Variants in ALK observed in about 807,000 individuals in gnomAD.
The protein encoded by ALK is ALK receptor tyrosine kinase.
A neutral mutation model predicts 163.1 loss-of-function variants in ALK; 74 were observed. The observed-to-expected ratio is 0.45, with a 90% CI of 0.38 to 0.55. The LOEUF (loss-of-function observed/expected upper bound fraction) is 0.55, where lower values mean the gene tolerates loss of function less well. Ranked by LOEUF, ALK falls within the 20% of genes least tolerant of loss-of-function variation. ALK has a pLI of 0.00. For synonymous variants in ALK, 960 were observed against 843.2 expected (o/e 1.14, Z -2.40); for missense variants, 2,063 against 2,105.3 (o/e 0.98, Z 0.39).
In ALK at chr2:29,566,879, T is replaced by C. The variant is rs1052548516; in HGVS notation, c.953-34763A>G. ...TAATAAATAAAGCCACAAAACAGAA[T>C]GCAATATGATATATAAACCATGTAT... On this transcript the variant is annotated intron_variant, in intron 3 of 28. Transcript: ENST00000389048. Among the ~76,000 whole-genome samples, 9 of 151,716 alleles carry C rather than the reference T, an allele frequency of 5.9e-5. No individual in the cohort carries two copies. The East Asian group carries it at 9.7e-4, about 16-fold the overall frequency.
chr2:29,614,245 T>C (rs1348291254), intron 3 of ALK, among the ~76,000 whole-genome samples: 1 of 152,198 alleles, frequency 6.6e-6, no homozygotes, highest in East Asian at 1.9e-4. Context: ...CTGGCATCAG[T>C]GGGACCTGGC....
intron 6 of ALK, among the ~76,000 whole-genome samples, chr2:29,321,807 C>A (rs1377477931): frequency 6.6e-6 from 1 of 152,174 alleles, no homozygotes; most frequent in East Asian, 1.9e-4. Context: ...TCAAACAATC[C>A]CAGTCATTGG....
chr2:29,438,933 C>T (rs780105506), intron 4 of ALK, among the ~76,000 whole-genome samples: 2 of 152,152 alleles, frequency 1.3e-5, no homozygotes, highest in Non-Finnish European at 2.9e-5. Flanking sequence ...CTCCAGGGGC[C>T]ACCCATCTTT....
intron 1 of ALK, among the ~76,000 whole-genome samples, chr2:29,752,352 T>TC (rs930443572): frequency 1.5e-4 from 22 of 146,548 alleles, no homozygotes; most frequent in Non-Finnish European, 2.6e-4. Flanking sequence ...TCTTTTCTTT[T>TC]TTTTTTTTTT....
intron 11 of ALK, among the ~76,000 whole-genome samples, chr2:29,265,570 T>A (rs1404336175): frequency 6.6e-6 from 1 of 152,236 alleles, no homozygotes. Context: ...TTCTTTCTTT[T>A]TAACATTTTT....
chr2:29,211,953 G>A lies in ALK; in HGVS notation c.3743+2031C>T, dbSNP rs144325477. On this transcript the variant is annotated intron_variant, in intron 24 of 28. Coordinates refer to ENST00000389048, the MANE Select transcript of ALK (RefSeq NM_004304.5). Reference sequence around the variant, plus strand: ...TATGGAAGTGACAGGAGTCTTGAGGGAATGTAATCCTGTTAACATCATAGC... The same window carrying A: ...TATGGAAGTGACAGGAGTCTTGAGGAAATGTAATCCTGTTAACATCATAGC... 3.4e-3 allele frequency among the ~76,000 whole-genome samples: 512 copies of A among 152,282 alleles called. 5 individuals are homozygous for A. The highest frequency in any genetic ancestry group is 0.012 in the African/African-American group (497 of 41,556).
intron 8 of ALK, among the ~76,000 whole-genome samples, chr2:29,303,798 CG>C (rs1666432618): frequency 6.6e-6 from 1 of 152,084 alleles, no homozygotes; most frequent in African/African-American, 2.4e-5. Flanking sequence ...AATCAAATAC[CG>C]TATGTGCTCA....
intron 4 of ALK, among the ~76,000 whole-genome samples, chr2:29,476,604 G>A (rs1196268897): frequency 2.0e-5 from 3 of 152,092 alleles, no homozygotes; most frequent in African/African-American, 7.2e-5. Context: ...GGAGTGAGTA[G>A]CCCTGAGACC....
chr2:29,351,950 C>A (rs560674858), intron 5 of ALK, among the ~76,000 whole-genome samples: 6 of 152,264 alleles, frequency 3.9e-5, no homozygotes, highest in African/African-American at 1.4e-4. Flanking sequence ...ACCTTCTCAG[C>A]TCTGGCCACA....
intron 4 of ALK, among the ~76,000 whole-genome samples, chr2:29,455,502 C>T (rs894166393): frequency 6.6e-6 from 1 of 152,168 alleles, no homozygotes; most frequent in Non-Finnish European, 1.5e-5. Context: ...ACCTCACAAT[C>T]CTCTCTTTTT....
At chr2:29,452,141 G>A (rs1383682822) in intron 4 of ALK, among the ~76,000 whole-genome samples, 2 of 152,080 alleles carry the variant, frequency 1.3e-5, no homozygotes, top group Admixed American at 6.6e-5. Flanking sequence ...ACTTACAGAC[G>A]TCACTTGATT....
intron 4 of ALK, among the ~76,000 whole-genome samples, chr2:29,431,968 C>G (rs1174823854): frequency 6.6e-6 from 1 of 152,040 alleles, no homozygotes; most frequent in Non-Finnish European, 1.5e-5. Flanking sequence ...CCATCCCATC[C>G]CATCCCAGTA....
At chr2:29,222,686 C>T (rs985540559) in intron 20 of ALK, 79 bp from the exon 21 acceptor site, 4 of 1,303,710 alleles carry the variant, frequency 3.1e-6, no homozygotes, top group East Asian at 2.5e-5. Context: ...TGAGCCTGGG[C>T]GTCACATTTA....
At chr2:29,806,390 A>G (rs1664616163) in intron 1 of ALK, among the ~76,000 whole-genome samples, 2 of 152,232 alleles carry the variant, frequency 1.3e-5, no homozygotes, top group Non-Finnish European at 2.9e-5. Flanking sequence ...ATCATTTAGA[A>G]AAGAGAAAAT....
intron 5 of ALK, among the ~76,000 whole-genome samples, chr2:29,362,054 AG>A (rs1021528985): frequency 6.6e-6 from 1 of 152,170 alleles, no homozygotes; most frequent in Non-Finnish European, 1.5e-5. Flanking sequence ...AAGTGGAAAA[AG>A]GGAAGGACCT....
chr2:29,771,923 T>C (rs548793098), intron 1 of ALK, among the ~76,000 whole-genome samples: 2 of 152,290 alleles, frequency 1.3e-5, no homozygotes, highest in Middle Eastern at 3.4e-3. Context: ...AAATGTCTTA[T>C]CTCCTCTGCA....
chr2:29,275,299 G>C, intron 10 of ALK, 72 bp from the exon 11 acceptor site: 1 of 1,611,674 alleles, frequency 6.2e-7, no homozygotes, highest in South Asian at 1.1e-5. Flanking sequence ...ATTTCACACT[G>C]AGGGAGGTGG....
chr2:29,232,455 A>G lies in ALK; in HGVS notation c.2488-7T>C, dbSNP rs1016246609. The G allele has an allele frequency of 6.2e-6, 10 of 1,614,208 alleles. No individual in the cohort carries two copies. Among genetic ancestry groups the G allele is most frequent in the Non-Finnish European group, 8.5e-6 (10 of 1,180,026 alleles). ...CCGGCACTCCATCCTTCATCTGACC[A>G]GGGGAGACATTCAGACATTGAGAAA... On this transcript the variant is annotated splice_region_variant and splice_polypyrimidine_tract_variant and intron_variant, in intron 14 of 28. Coordinates refer to ENST00000389048, the MANE Select transcript of ALK (RefSeq NM_004304.5).
chr2:29,554,481 T>C lies in ALK; in HGVS notation c.953-22365A>G, dbSNP rs952665170. 2.6e-5 allele frequency among the ~76,000 whole-genome samples: 4 copies of C among 152,208 alleles called. No homozygotes were observed. In the East Asian group the frequency reaches 5.8e-4, roughly 22 times the overall value. On this transcript the variant is annotated intron_variant, in intron 3 of 28. Transcript: ENST00000389048. ...ATGGGTTTTCATTTGGCCAAAGGCT[T>C]GGTCTGCACTGACTTTTAGATTTGG... is the stretch of plus-strand genomic sequence containing the variant.
Sources: gnomAD v4.1 joint callset for allele counts (sites outside exome capture counted in the v4.1 genomes callset) on GRCh38, gnomAD v4.1.1 for gene constraint, MANE v1.5 for transcripts, NCBI Gene and HGNC (gene_info 2026-07-23, HGNC 2026-07-21) for gene names.